The following SLC52A3 variants were observed in gnomAD, a reference collection of about 807,000 sequenced individuals.
SLC52A3 encodes solute carrier family 52 member 3.
Under a neutral mutation model 29.5 loss-of-function variants are expected in SLC52A3, and 20 were observed. That is an observed-to-expected ratio of 0.68 (90% CI 0.48 to 0.99). The LOEUF is 0.99. Ranked by LOEUF, SLC52A3 falls within the 50% of genes least tolerant of loss-of-function variation. SLC52A3 has a pLI of 0.00. For synonymous variants in SLC52A3, 301 were observed against 271.0 expected, an observed-to-expected ratio of 1.11 and a Z score of -1.09; for missense variants, 548 against 612.9, an observed-to-expected ratio of 0.89 and a Z score of 1.12.
At chr20:775,754 A>T (rs1986998804) in intron 1 of SLC52A3, among the ~76,000 whole-genome samples, 1 of 152,140 alleles carries the variant, frequency 6.6e-6, no homozygotes, top group Admixed American at 6.5e-5. Context: ...CTGAGGAGGA[A>T]ACCTTTCTTC....
intron 3 of SLC52A3, among the ~76,000 whole-genome samples, chr20:762,091 C>T (rs1301360074): frequency 6.6e-6 from 1 of 152,202 alleles, no homozygotes; most frequent in Non-Finnish European, 1.5e-5. Context: ...GTTCAAATCC[C>T]AGTTCTACTG....
Position 763,560 on chromosome 20 carries a change from A to T in SLC52A3, c.1011T>A (p.Ala337=). The change falls in exon 3 of 5, where the codon GCT becomes GCA. Residue 337 remains alanine (A), a synonymous_variant. Coordinates refer to ENST00000645534, the MANE Select transcript of SLC52A3 (RefSeq NM_033409.4). The part of the protein sequence containing the change: ...LSYGPVAYHL[A]ATLSIVANPL... ...GGTTGGCCACAATGCTGAGGGTGGC[A>T]GCCAGGTGGTAGGCAACTGGCCCAT... 1 of 1,614,196 alleles carries T rather than the reference A, an allele frequency of 6.2e-7. No individual in the cohort carries two copies. The highest frequency in any genetic ancestry group is 1.1e-5 in the South Asian group (1 of 91,086).
rs749673791 is a variant in SLC52A3, at chr20:761,686, C to A, written c.1197+15G>T. 5 of 1,613,294 alleles carry A rather than the reference C, an allele frequency of 3.1e-6. No individual in the cohort carries two copies. The Admixed American group carries it at 8.3e-5, about 27-fold the overall frequency. ...GGGTACGCAGCGGGAGCAGCCCCAC[C>A]GGCCGGATACTCACAATGAGGACTT... On this transcript the variant is annotated intron_variant, in intron 4 of 4. Coordinates refer to ENST00000645534, the MANE Select transcript of SLC52A3 (RefSeq NM_033409.4).
intron 4 of SLC52A3, 161 bp downstream of exon 4, chr20:761,540 C>G (rs888844388): frequency 1.1e-5 from 12 of 1,086,058 alleles, no homozygotes; most frequent in Non-Finnish European, 1.3e-5. Context: ...TTCCCTAAGC[C>G]TCCACTCCCA....
At chr20:761,977 G>T (rs1478645109) in intron 3 of SLC52A3, among the ~76,000 whole-genome samples, 153 bp from the exon 4 acceptor site, 1 of 152,216 alleles carries the variant, frequency 6.6e-6, no homozygotes, top group East Asian at 1.9e-4. Context: ...GGTCAGGGAG[G>T]CTCCTGAGCA....
upstream of SLC52A3, among the ~76,000 whole-genome samples, chr20:778,729 C>CTT (rs375771938): frequency 2.5e-4 from 36 of 142,034 alleles, 1 homozygote; most frequent in Non-Finnish European, 3.4e-4. Flanking sequence ...CTTTCTTCTT[C>CTT]TTTTTTTTTT....
At chr20:767,794 C>T (rs1444926633) in intron 1 of SLC52A3, among the ~76,000 whole-genome samples, 1 of 152,180 alleles carries the variant, frequency 6.6e-6, no homozygotes, top group Non-Finnish European at 1.5e-5. Context: ...CTCTACGTGG[C>T]CTTTGGAGAC....
At chr20:764,341 C>T (rs1051424217) in intron 2 of SLC52A3, among the ~76,000 whole-genome samples, 6 of 152,166 alleles carry the variant, frequency 3.9e-5, no homozygotes, top group Non-Finnish European at 8.8e-5. Context: ...TGCTTTCTGA[C>T]TTGGAAGCTA....
At chr20:762,032 G>A (rs1986508336) in intron 3 of SLC52A3, among the ~76,000 whole-genome samples, 1 of 152,210 alleles carries the variant, frequency 6.6e-6, no homozygotes, top group Non-Finnish European at 1.5e-5. Flanking sequence ...GGCAGGGCCT[G>A]GCACCCCGGC....
At chr20:768,712 G>C (rs908037417), upstream of SLC52A3, 2 of 152,338 alleles carry the variant, frequency 1.3e-5, no homozygotes, top group East Asian at 3.9e-4. Context: ...TCCCCTAGCA[G>C]TCCCGCTCTG....
At chr20:766,155 G>T (rs1471061997) in intron 1 of SLC52A3, 7 of 248,876 alleles carry the variant, frequency 2.8e-5, no homozygotes, top group East Asian at 2.0e-4. Flanking sequence ...GGCTGGTCTC[G>T]AACTCCTGGC....
chr20:774,159 G>C (rs73069759), intron 1 of SLC52A3, among the ~76,000 whole-genome samples: 2 of 152,172 alleles, frequency 1.3e-5, no homozygotes, highest in East Asian at 3.9e-4. Context: ...CTGGGTTCTC[G>C]CTCTGCAGGG....
rs745361579 is a variant in SLC52A3 at position 761,667 on chromosome 20, G to A, written c.1197+34C>T. On this transcript the variant is annotated intron_variant, in intron 4 of 4. Transcript: ENST00000645534. ...GGCCTTGGCTAGGGGTGAGGGGTAC[G>A]CAGCGGGAGCAGCCCCACCGGCCGG... 243 of 1,611,802 alleles carry A rather than the reference G, an allele frequency of 1.5e-4. 1 individual carries two copies. Among genetic ancestry groups the A allele is most frequent in the Middle Eastern group, 8.2e-4 (5 of 6,062 alleles).
upstream of SLC52A3, among the ~76,000 whole-genome samples, chr20:773,280 T>A (rs1986903594): frequency 6.6e-6 from 1 of 152,210 alleles, no homozygotes; most frequent in South Asian, 2.1e-4. Flanking sequence ...CTATTTATTG[T>A]GCCAGACCCT....
Position 760,958 on chromosome 20 carries a change from C to T in SLC52A3, c.*68G>A, listed in dbSNP as rs1324309226. 1.4e-6 allele frequency: 2 copies of T among 1,460,622 alleles called. No homozygotes were observed. Among genetic ancestry groups the T allele is most frequent in the Non-Finnish European group, 1.9e-6 (2 of 1,066,502 alleles). 90.5% of individuals were successfully genotyped at this position (1,460,622 alleles called of 1,614,324 possible). A position where few individuals can be genotyped will look rare whatever the true frequency, so the allele number is the denominator to read the frequency against. On this transcript the variant is annotated 3_prime_UTR_variant, in exon 5 of 5. Coordinates refer to ENST00000645534, the MANE Select transcript of SLC52A3 (RefSeq NM_033409.4). This position sits in a 1 kb window ranked among gnomAD's most constrained non-coding sequence, Gnocchi z 4.9. The stretch of plus-strand genomic sequence containing the variant: ...TCTGTCTCTCTGTTCCTGCCCCTTG[C>T]TCTGTGACCTGGCCTCTCTGGACCC...
rs374169774 is a variant in SLC52A3, at chr20:761,341, C to G, written c.1198-103G>C. ...CTCAGGGGAACCCACGGAATACTCT[C>G]TAGGTGCGAGGAGCGCCTTCTGGGA... On this transcript the variant is annotated intron_variant, in intron 4 of 4. Coordinates refer to ENST00000645534, the MANE Select transcript of SLC52A3 (RefSeq NM_033409.4). 7.7e-6 allele frequency: 10 copies of G among 1,290,560 alleles called. No homozygotes were observed. The Admixed American group carries it at 1.0e-4, about 13-fold the overall frequency. The allele number at this position is 1,290,560 out of a possible 1,614,324, so 79.9% of individuals were successfully genotyped here. A position where few individuals can be genotyped will look rare whatever the true frequency, so the allele number is the denominator to read the frequency against.
chr20:763,585 T>G lies in SLC52A3; in HGVS notation c.986A>C (p.Tyr329Ser). ...AGCCAGGTGGTAGGCAACTGGCCCA[T>G]AGGACAGGCAGGAGTAGGTCTGCAC... ...PSVQTYSCLS[Y>S]GPVAYHLAAT... The change falls in exon 3 of 5, where the codon TAT becomes TCT. Residue 329 changes from tyrosine (Y) to serine (S), a missense_variant. Physicochemically the swap from Tyr to Ser is moderately radical, Grantham distance 144. This residue lies in a region of SLC52A3 where 375 missense variants were observed against 471.1 expected (regional missense o/e 0.80). Transcript: ENST00000645534. 6.2e-7 allele frequency: 1 copy of G among 1,614,098 alleles called. No homozygotes were observed. The highest frequency in any genetic ancestry group is 8.5e-7 in the Non-Finnish European group (1 of 1,180,002).
rs112034541 is a variant in SLC52A3 at position 765,276 on chromosome 20, C to T, written c.499G>A (p.Val167Ile). 82 of 1,614,000 alleles carry T rather than the reference C, an allele frequency of 5.1e-5. No homozygotes were observed. Among genetic ancestry groups the T allele is most frequent in the African/African-American group, 2.1e-4 (16 of 74,876 alleles). The change falls in exon 2 of 5, where the codon GTC (valine) becomes ATC (isoleucine). Residue 167 changes from valine to isoleucine, a missense_variant. Val to Ile is a conservative substitution (Grantham distance 29). Around this residue, in one of 2 missense-constraint regions of SLC52A3, gnomAD observed 375 missense variants for 471.1 expected, o/e 0.80. Coordinates refer to ENST00000645534, the MANE Select transcript of SLC52A3 (RefSeq NM_033409.4). The surrounding 1 kb of genome is among the most constrained non-coding windows in gnomAD (Gnocchi z 6.6). Reference sequence around the variant, plus strand: ...CTGTCTGATATCTCAGTGACATTGACGCAGGTAGTGAGACCGGAGCCCTGG... The same window carrying T: ...CTGTCTGATATCTCAGTGACATTGATGCAGGTAGTGAGACCGGAGCCCTGG... ...LAQGSGLTTC[V>I]NVTEISDSVP...
chr20:773,662 G>A (rs1236236350), intron 1 of SLC52A3, among the ~76,000 whole-genome samples: 1 of 152,216 alleles, frequency 6.6e-6, no homozygotes, highest in African/African-American at 2.4e-5. Context: ...GACCCCTTAT[G>A]TGATCACCAG....
Sources: gnomAD v4.1 joint callset for allele counts (sites outside exome capture counted in the v4.1 genomes callset) on GRCh38, gnomAD v4.1.1 for gene constraint, gnomAD v4.1.1 regional missense constraint, Gnocchi (gnomAD v3.1) non-coding constraint, MANE v1.5 for transcripts, NCBI Gene and HGNC (gene_info 2026-07-23, HGNC 2026-07-21) for gene names.